Variants in PAMR1 observed in about 807,000 individuals in gnomAD.
The protein encoded by PAMR1 is peptidase domain containing associated with muscle regeneration 1, also known as inactive serine protease PAMR1.
A neutral mutation model predicts 81.8 loss-of-function variants in PAMR1; 88 were observed. The ratio of observed to expected loss-of-function variants is 1.08; its 90% CI spans 0.91 to 1.28. The LOEUF (loss-of-function observed/expected upper bound fraction) is 1.28, where lower values mean the gene tolerates loss of function less well. Ranked by LOEUF, PAMR1 falls within the 50% of genes most tolerant of loss-of-function variation. The pLI is 0.00. For synonymous variants in PAMR1, 336 were observed against 345.3 expected, an observed-to-expected ratio of 0.97 and a Z score of 0.30; for missense variants, 935 against 919.7, an observed-to-expected ratio of 1.02 and a Z score of -0.21.
At position 35,512,013 on chromosome 11, in the gene PAMR1, T is replaced by G. The variant is rs557866597; in HGVS notation, c.73+13500A>C. 2.0e-5 allele frequency among the ~76,000 whole-genome samples: 3 copies of G among 152,270 alleles called. No individual in the cohort carries two copies. The South Asian group carries it at 6.2e-4, about 32-fold the overall frequency. On this transcript the variant is annotated intron_variant, in intron 1 of 10. Coordinates refer to ENST00000619888, the MANE Select transcript of PAMR1 (RefSeq NM_001001991.3). The stretch of plus-strand genomic sequence containing the variant: ...TGGATCTCAACCTCGGTGACCTCAG[T>G]CTTCTCCTTCCTTCTCACAGCTGCT...
Position 35,432,206 on chromosome 11 carries a change from C to T in PAMR1, c.*150G>A, listed in dbSNP as rs912390239. 5.9e-6 allele frequency: 4 copies of T among 672,416 alleles called. No homozygotes were observed. Among genetic ancestry groups the T allele is most frequent in the Non-Finnish European group, 1.0e-5 (4 of 395,414 alleles). The allele number at this position is 672,416 out of a possible 1,614,324, so 41.7% of individuals were successfully genotyped here. A position where few individuals can be genotyped will look rare whatever the true frequency, so the allele number is the denominator to read the frequency against. ...CCTACCAGCAATGGAGGTCTACTCA[C>T]CCTTCACTGAGTTTTGTCCCTGAAG... On this transcript the variant is annotated 3_prime_UTR_variant, in exon 11 of 11. Transcript: ENST00000619888.
Position 35,436,065 on chromosome 11 carries a change from T to C in PAMR1, c.1171A>G (p.Lys391Glu). Reference protein sequence around the residue: ...KQKLQSAPTKKPALPFGDLPM... With the variant: ...KQKLQSAPTKEPALPFGDLPM... The stretch of plus-strand genomic sequence containing the variant: ...AGATCTCCAAAGGGAAGGGCTGGCT[T>C]CTTGGTAGGGGCACTCTGCAGTTTC... Residue 391 changes from lysine (K) to glutamate (E), a missense_variant, in exon 9 of 11, where the codon AAG becomes GAG. Coordinates refer to ENST00000619888, the MANE Select transcript of PAMR1 (RefSeq NM_001001991.3). 1 of 1,614,088 alleles carries C rather than the reference T, an allele frequency of 6.2e-7. No homozygotes were observed. Among genetic ancestry groups the C allele is most frequent in the Non-Finnish European group, 8.5e-7 (1 of 1,179,998 alleles).
At chr11:35,494,534 C>T (rs1014291675) in intron 1 of PAMR1, among the ~76,000 whole-genome samples, 1 of 152,174 alleles carries the variant, frequency 6.6e-6, no homozygotes, top group Non-Finnish European at 1.5e-5. Context: ...CGGGTTTCAC[C>T]GTGTTAGCCA....
chr11:35,513,184 G>A (rs562324423), intron 1 of PAMR1, among the ~76,000 whole-genome samples: 2 of 152,298 alleles, frequency 1.3e-5, no homozygotes, highest in South Asian at 4.2e-4. Flanking sequence ...GAAAATGGTT[G>A]ATGAATAACC....
At chr11:35,461,891 T>C (rs1174489045) in intron 6 of PAMR1, among the ~76,000 whole-genome samples, 2 of 152,176 alleles carry the variant, frequency 1.3e-5, no homozygotes, top group African/African-American at 4.8e-5. Flanking sequence ...ATCAAGTACA[T>C]GCGGGTAATA....
chr11:35,465,379 G>A (rs1318654002), intron 6 of PAMR1, among the ~76,000 whole-genome samples: 1 of 152,124 alleles, frequency 6.6e-6, no homozygotes, highest in African/African-American at 2.4e-5. Flanking sequence ...CCAGATGCTT[G>A]GGTTTCTTCC....
At chr11:35,476,646 C>T (rs1036397101) in intron 3 of PAMR1, among the ~76,000 whole-genome samples, 2 of 152,132 alleles carry the variant, frequency 1.3e-5, no homozygotes, top group African/African-American at 4.8e-5. Context: ...CAAATACACC[C>T]GCCATTCACC....
chr11:35,479,958 TCAGGTG>T lies in PAMR1; in HGVS notation c.380-5220_380-5215del, dbSNP rs570463817. On this transcript the variant is annotated intron_variant, in intron 3 of 10. Transcript: ENST00000619888. Reference sequence around the variant, plus strand: ...CTACGTGTTGGCTTTTATCAGGGGCTCAGGTGTTCATCAGGAACAATGACAAGTCCT... The same window carrying T: ...CTACGTGTTGGCTTTTATCAGGGGCTTTCATCAGGAACAATGACAAGTCCT... Among the ~76,000 whole-genome samples, 10 of 152,316 alleles carry T rather than the reference TCAGGTG, an allele frequency of 6.6e-5. 1 individual carries two copies. In the South Asian group the frequency reaches 2.1e-3, roughly 32 times the overall value.
intron 4 of PAMR1, among the ~76,000 whole-genome samples, chr11:35,472,194 C>T (rs1850200489): frequency 6.6e-6 from 1 of 152,194 alleles, no homozygotes; most frequent in Non-Finnish European, 1.5e-5. Context: ...ACCATGCACT[C>T]ACTGTGTGTG....
chr11:35,484,564 T>G (rs1263521726), intron 3 of PAMR1, among the ~76,000 whole-genome samples: 1 of 152,254 alleles, frequency 6.6e-6, no homozygotes, highest in Non-Finnish European at 1.5e-5. Context: ...GGAATCGGCC[T>G]GCACAAATCC....
At chr11:35,448,222 C>T (rs1450441567) in intron 6 of PAMR1, among the ~76,000 whole-genome samples, 3 of 152,176 alleles carry the variant, frequency 2.0e-5, no homozygotes, top group Non-Finnish European at 4.4e-5. Flanking sequence ...TCCTAGATGA[C>T]ATCCTGAAGT....
chr11:35,527,796 C>T (rs1003244399), upstream of PAMR1, among the ~76,000 whole-genome samples: 4 of 152,194 alleles, frequency 2.6e-5, no homozygotes, highest in Non-Finnish European at 5.9e-5. Flanking sequence ...AATCTTTACT[C>T]CAGGCCTTCA....
At chr11:35,500,734 T>G (rs1850819225) in intron 1 of PAMR1, among the ~76,000 whole-genome samples, 1 of 152,252 alleles carries the variant, frequency 6.6e-6, no homozygotes, top group South Asian at 2.1e-4. Flanking sequence ...AGAGTGTATT[T>G]ACACAAATCT....
chr11:35,486,841 C>T (rs1358873497), intron 3 of PAMR1, among the ~76,000 whole-genome samples: 1 of 152,180 alleles, frequency 6.6e-6, no homozygotes, highest in Non-Finnish European at 1.5e-5. Context: ...GAACAAACCC[C>T]CTTACTCACA....
At chr11:35,521,902 C>A (rs1338278818) in intron 1 of PAMR1, among the ~76,000 whole-genome samples, 3 of 151,718 alleles carry the variant, frequency 2.0e-5, no homozygotes, top group Non-Finnish European at 4.4e-5. Context: ...CCTTTCAAAT[C>A]GTTTTTTGTT....
intron 8 of PAMR1, among the ~76,000 whole-genome samples, chr11:35,438,380 C>A (rs940256692): frequency 6.6e-6 from 1 of 152,206 alleles, no homozygotes; most frequent in Non-Finnish European, 1.5e-5. Context: ...AGCAAACATG[C>A]AATAAATGTT....
intron 3 of PAMR1, among the ~76,000 whole-genome samples, chr11:35,488,567 AT>A (rs1850555679): frequency 4.9e-5 from 2 of 41,076 alleles, no homozygotes; most frequent in South Asian, 8.9e-4. Context: ...ATTTACTCAT[AT>A]AAACTATCAC....
At chr11:35,436,641 C>T (rs529460255) in intron 8 of PAMR1, among the ~76,000 whole-genome samples, 30 of 143,328 alleles carry the variant, frequency 2.1e-4, no homozygotes, top group Non-Finnish European at 6.0e-5. Flanking sequence ...CTCTCTGTTT[C>T]TCTCTCTCTC....
intron 3 of PAMR1, among the ~76,000 whole-genome samples, chr11:35,484,065 T>G (rs1329026126): frequency 2.0e-5 from 3 of 152,200 alleles, no homozygotes; most frequent in Admixed American, 2.0e-4. Context: ...TGGCTCTGGA[T>G]TATAAGAATA....
Sources: allele counts gnomAD v4.1 joint callset (sites outside exome capture counted in the v4.1 genomes callset), GRCh38; gene constraint gnomAD v4.1.1; transcripts MANE v1.5; gene names NCBI Gene and HGNC (gene_info 2026-07-23, HGNC 2026-07-21).